Variants in PLEKHG7 observed in about 807,000 individuals in gnomAD.
PLEKHG7 encodes pleckstrin homology domain-containing family G member 7.
PLEKHG7 carries 77 observed loss-of-function variants against 85.2 expected under a neutral mutation model. The observed-to-expected ratio is 0.90, with a 90% CI of 0.75 to 1.09. PLEKHG7 has a LOEUF of 1.09. Among genes scored for constraint, PLEKHG7 ranks in the 50% least tolerant of loss-of-function variants. PLEKHG7 has a pLI of 0.00. For missense variants in PLEKHG7, 777 were observed against 804.3 expected, an observed-to-expected ratio of 0.97 and a Z score of 0.41; for synonymous variants, 301 against 302.4, an observed-to-expected ratio of 1.00 and a Z score of 0.05.
intron 10 of PLEKHG7, among the ~76,000 whole-genome samples, chr12:92,752,227 G>A (rs999771833): frequency 6.6e-6 from 1 of 152,058 alleles, no homozygotes; most frequent in African/African-American, 2.4e-5. Context: ...AAATAGTAGG[G>A]TCTCATGGGC....
chr12:92,763,195 C>T (rs1873086971), intron 14 of PLEKHG7, among the ~76,000 whole-genome samples: 1 of 152,142 alleles, frequency 6.6e-6, no homozygotes, highest in South Asian at 2.1e-4. Flanking sequence ...TTACATGCCT[C>T]TTTGCTATTT....
intron 3 of PLEKHG7, among the ~76,000 whole-genome samples, chr12:92,715,938 A>G (rs1379595849): frequency 6.6e-6 from 1 of 152,164 alleles, no homozygotes; most frequent in Non-Finnish European, 1.5e-5. Context: ...CTTTACAGAA[A>G]AGGTGTGCTG....
chr12:92,748,302 G>A (rs7969839), intron 10 of PLEKHG7, among the ~76,000 whole-genome samples: 135,857 of 151,556 alleles, frequency 0.9, 61,028 homozygotes, highest in East Asian at 0.97. Context: ...GCTGGAGTGC[G>A]GTGGCACAAT....
At chr12:92,712,816 A>G (rs1389028186) in intron 3 of PLEKHG7, among the ~76,000 whole-genome samples, 1 of 152,144 alleles carries the variant, frequency 6.6e-6, no homozygotes, top group East Asian at 1.9e-4. Context: ...CCACAAGATG[A>G]GTCTGGGGAC....
At chr12:92,758,942 C>A (rs1279581428) in intron 13 of PLEKHG7, among the ~76,000 whole-genome samples, 3 of 152,116 alleles carry the variant, frequency 2.0e-5, no homozygotes, top group South Asian at 4.1e-4. Flanking sequence ...AGCATTGAAC[C>A]AACAGTCAGG....
At chr12:92,714,415 C>T (rs1871427888) in intron 3 of PLEKHG7, among the ~76,000 whole-genome samples, 1 of 152,196 alleles carries the variant, frequency 6.6e-6, no homozygotes, top group Non-Finnish European at 1.5e-5. Context: ...TGCAGGGTCT[C>T]ATTCTTTTCC....
At position 92,761,437 on chromosome 12, in the gene PLEKHG7, A is replaced by G. The variant is rs114937145; in HGVS notation, c.1637-315A>G. On this transcript the variant is annotated intron_variant, in intron 13 of 16. Coordinates refer to ENST00000344636, the MANE Select transcript of PLEKHG7 (RefSeq NM_001377329.1). ...AAGTCTCTGCTTTAGGAAGAAATCA[A>G]TTCAACATTGAGGCAGGCAGCTTTC... 2.7e-3 allele frequency among the ~76,000 whole-genome samples: 416 copies of G among 152,158 alleles called. 3 individuals carry two copies. Among genetic ancestry groups the G allele is most frequent in the African/African-American group, 9.6e-3 (397 of 41,512 alleles).
chr12:92,738,909 G>C (rs1364240270), intron 7 of PLEKHG7, among the ~76,000 whole-genome samples: 1 of 152,192 alleles, frequency 6.6e-6, no homozygotes, highest in Middle Eastern at 3.2e-3. Context: ...GAAATTTAGA[G>C]ACAATATCAG....
intron 1 of PLEKHG7, among the ~76,000 whole-genome samples, 160 bp from the exon 2 acceptor site, chr12:92,706,311 C>T (rs1228192037): frequency 2.6e-5 from 4 of 152,112 alleles, no homozygotes; most frequent in South Asian, 2.1e-4. Context: ...GCTGGAGTCA[C>T]GTATATTAAT....
At chr12:92,759,412 GA>G (rs1872925281) in intron 13 of PLEKHG7, among the ~76,000 whole-genome samples, 1 of 152,174 alleles carries the variant, frequency 6.6e-6, no homozygotes, top group African/African-American at 2.4e-5. Context: ...CAGAAGATGG[GA>G]ATAGCAAATT....
chr12:92,718,811 C>A (rs1441076019), intron 3 of PLEKHG7, among the ~76,000 whole-genome samples: 1 of 152,164 alleles, frequency 6.6e-6, no homozygotes, highest in Non-Finnish European at 1.5e-5. Flanking sequence ...GATTTCTGGG[C>A]AGTTGCCAGC....
chr12:92,706,536 T>A lies in PLEKHG7; in HGVS notation c.-96T>A, dbSNP rs780370783. On this transcript the variant is annotated 5_prime_UTR_variant, in exon 2 of 17. It adds an upstream start codon to the 5' untranslated region. Coordinates refer to ENST00000344636, the MANE Select transcript of PLEKHG7 (RefSeq NM_001377329.1). ...AGAACTACGAGAGGAAGCATGGCAC[T>A]TGGATGCAGAAATTGAGCACCCTCC... 9.8e-6 allele frequency: 14 copies of A among 1,429,142 alleles called. No homozygotes were observed. In the Admixed American group the frequency reaches 1.4e-4, roughly 14 times the overall value. The allele number at this position is 1,429,142 out of a possible 1,614,324, so 88.5% of individuals were successfully genotyped here.
At chr12:92,707,407 A>G (rs1871268270) in intron 2 of PLEKHG7, 4 of 1,428,524 alleles carry the variant, frequency 2.8e-6, no homozygotes, top group Non-Finnish European at 9.1e-7. Flanking sequence ...AGGCTTACCG[A>G]TGGTCTGTCA....
chr12:92,723,957 AT>A (rs1263836546), intron 3 of PLEKHG7, among the ~76,000 whole-genome samples: 2 of 152,258 alleles, frequency 1.3e-5, no homozygotes, highest in African/African-American at 2.4e-5. Flanking sequence ...ACAATAGTCC[AT>A]TTTTTTCCCA....
chr12:92,745,581 T>G lies in PLEKHG7; in HGVS notation c.1241T>G (p.Ile414Ser). The G allele has an allele frequency of 6.2e-7, 1 of 1,610,768 alleles. No individual in the cohort carries two copies. The highest frequency in any genetic ancestry group is 2.2e-5 in the East Asian group (1 of 44,860). Residue 414 changes from isoleucine (I) to serine (S), a missense_variant, in exon 10 of 17, where the codon ATT becomes AGT. Physicochemically the swap from Ile to Ser is moderately radical, Grantham distance 142. This residue lies in a region of PLEKHG7 where 520 missense variants were observed against 544.0 expected (regional missense o/e 0.96). Coordinates refer to ENST00000344636, the MANE Select transcript of PLEKHG7 (RefSeq NM_001377329.1). ...CTGAGGCAGAGAGATGACTTTGGAA[T>G]TTATTTAAAAGTAAAGTATCATTTT... Reference protein sequence around the residue: ...ESLRQRDDFGIYLKWCEQNEQ... With the variant: ...ESLRQRDDFGSYLKWCEQNEQ...
chr12:92,765,250 G>A (rs1347246456), intron 15 of PLEKHG7, among the ~76,000 whole-genome samples: 1 of 151,792 alleles, frequency 6.6e-6, no homozygotes, highest in East Asian at 1.9e-4. Flanking sequence ...ACTTTGGGAG[G>A]CCAACATGGT....
chr12:92,731,524 A>G (rs1001499639), intron 4 of PLEKHG7, among the ~76,000 whole-genome samples: 6 of 152,202 alleles, frequency 3.9e-5, no homozygotes, highest in Non-Finnish European at 7.3e-5. Flanking sequence ...CACCTAAGAG[A>G]CAATTTTCAG....
intron 10 of PLEKHG7, among the ~76,000 whole-genome samples, chr12:92,751,492 C>T (rs937066302): frequency 1.3e-5 from 2 of 151,662 alleles, no homozygotes; most frequent in African/African-American, 4.8e-5. Context: ...CAGCTTCCTG[C>T]GTAGCTGGGA....
Position 92,728,993 on chromosome 12 carries a change from G to C in PLEKHG7, c.531G>C (p.Arg177Ser). The C allele has an allele frequency of 8.1e-7, 1 of 1,231,636 alleles. No individual in the cohort carries two copies. The allele number at this position is 1,231,636 out of a possible 1,614,324, so 76.3% of individuals were successfully genotyped here. A position where few individuals can be genotyped will look rare whatever the true frequency, so the allele number is the denominator to read the frequency against. ...TTTTCCTTTTATCTCTTGAGCACAG[G>C]TTCTACGAGCACAGGCGGAGTTCTG... is the stretch of plus-strand genomic sequence containing the variant. Reference protein sequence around the residue: ...SPQGEELHPSRFYEHRRSSVV... With the variant: ...SPQGEELHPSSFYEHRRSSVV... Residue 177 changes from arginine (R) to serine (S), a missense_variant and splice_region_variant, in exon 4 of 17, where the codon AGG (arginine) becomes AGC (serine). Coordinates refer to ENST00000344636, the MANE Select transcript of PLEKHG7 (RefSeq NM_001377329.1).
Sources: gnomAD v4.1 joint callset for allele counts (sites outside exome capture counted in the v4.1 genomes callset) on GRCh38, gnomAD v4.1.1 for gene constraint, gnomAD v4.1.1 regional missense constraint, MANE v1.5 for transcripts, NCBI Gene and HGNC (gene_info 2026-07-23, HGNC 2026-07-21) for gene names.